LIPG: variants seen among roughly 807,000 people sequenced by gnomAD.
The protein encoded by LIPG is lipase G, endothelial type.
Under a neutral mutation model 51.8 loss-of-function variants are expected in LIPG, and 34 were observed. The ratio of observed to expected loss-of-function variants is 0.66; its 90% CI spans 0.50 to 0.87. LIPG has a LOEUF of 0.87. Among genes scored for constraint, LIPG ranks in the 40% least tolerant of loss-of-function variants. The pLI is 0.00. For missense variants in LIPG, 580 were observed against 652.7 expected, an observed-to-expected ratio of 0.89 and a Z score of 1.21; for synonymous variants, 246 against 246.1, an observed-to-expected ratio of 1.00 and a Z score of 0.00.
chr18:49,573,990 A>G (rs978129607), intron 4 of LIPG, among the ~76,000 whole-genome samples: 1 of 152,194 alleles, frequency 6.6e-6, no homozygotes, highest in Admixed American at 6.5e-5. Context: ...GCTAGATGCT[A>G]GCAACTCTCT....
intron 4 of LIPG, among the ~76,000 whole-genome samples, chr18:49,569,829 G>T (rs36039774): frequency 1.3e-5 from 2 of 152,104 alleles, no homozygotes; most frequent in East Asian, 3.9e-4. Context: ...CAGTGTGGGC[G>T]TTCCCCTTCC....
At chr18:49,568,984 G>A (rs189721345) in intron 3 of LIPG, among the ~76,000 whole-genome samples, 2 of 152,306 alleles carry the variant, frequency 1.3e-5, no homozygotes, top group East Asian at 3.9e-4. Context: ...ACATGGGCTT[G>A]TGAGGAGGAG....
intron 5 of LIPG, among the ~76,000 whole-genome samples, chr18:49,578,924 A>G (rs1459924932): frequency 1.4e-5 from 2 of 145,094 alleles, no homozygotes; most frequent in Non-Finnish European, 3.0e-5. Context: ...AGGCAGGAGA[A>G]TCAGGCAGGG....
chr18:49,569,629 C>G, intron 4 of LIPG, 81 bp downstream of exon 4: 1 of 1,129,904 alleles, frequency 8.9e-7, no homozygotes, highest in Non-Finnish European at 1.3e-6. Context: ...CAGAGTGAGT[C>G]ATAGAAAGTT....
At chr18:49,588,635 A>T (rs79135078) in intron 9 of LIPG, among the ~76,000 whole-genome samples, 5,963 of 152,170 alleles carry the variant, frequency 0.039, 344 homozygotes, top group African/African-American at 0.13. Context: ...AGAAATGCCC[A>T]TGTATGTGGA....
At chr18:49,565,990 G>A (rs1359790274) in intron 2 of LIPG, among the ~76,000 whole-genome samples, 2 of 152,182 alleles carry the variant, frequency 1.3e-5, no homozygotes, top group Non-Finnish European at 2.9e-5. Context: ...CCCTAGCTGA[G>A]CAATTCACAT....
At chr18:49,574,081 C>A (rs936416689) in intron 4 of LIPG, among the ~76,000 whole-genome samples, 2 of 152,206 alleles carry the variant, frequency 1.3e-5, no homozygotes, top group East Asian at 3.8e-4. Context: ...TAGTGGTGAA[C>A]CACTGTTCCA....
chr18:49,582,298 G>T, intron 6 of LIPG, 64 bp from the exon 7 acceptor site: 1 of 1,606,618 alleles, frequency 6.2e-7, no homozygotes, highest in Non-Finnish European at 8.5e-7. Flanking sequence ...ACTCAGTTTG[G>T]GTCAGGGGTC....
intron 4 of LIPG, among the ~76,000 whole-genome samples, chr18:49,574,641 T>C (rs1381604825): frequency 6.6e-6 from 1 of 152,180 alleles, no homozygotes; most frequent in African/African-American, 2.4e-5. Flanking sequence ...ATGGTGGAAT[T>C]TAAATTTAAC....
At chr18:49,578,949 C>T (rs1240526183) in intron 5 of LIPG, among the ~76,000 whole-genome samples, 2 of 136,074 alleles carry the variant, frequency 1.5e-5, no homozygotes, top group East Asian at 2.2e-4. Flanking sequence ...TGCAGTGAGC[C>T]GAGATGGCAG....
chr18:49,578,031 C>A (rs2084746412), intron 5 of LIPG, among the ~76,000 whole-genome samples: 3 of 143,048 alleles, frequency 2.1e-5, no homozygotes, highest in South Asian at 2.2e-4. Context: ...CTGACCCCCC[C>A]ACCTCCCTCC....
intron 1 of LIPG, among the ~76,000 whole-genome samples, chr18:49,563,086 CCAGAGTCAGTCAGCTCTGGGGGAGT>C (rs1157343805): frequency 2.6e-5 from 4 of 152,166 alleles, no homozygotes. Context: ...CCTGGGGGAG[CCAGAGTCAGTCAGCTCTGGGGGAGT>C]CAGAATCAGA....
rs1452124447 is a variant in LIPG, at chr18:49,593,842, C to A, written c.*3320C>A. On this transcript the variant is annotated 3_prime_UTR_variant, in exon 10 of 10. Coordinates refer to ENST00000261292, the MANE Select transcript of LIPG (RefSeq NM_006033.4). ...TTATTTAGGGTGCCCATGGGCCCTG[C>A]TGAAGATCCAATTACTATTTATTTA... The A allele has an allele frequency of 3.9e-5, 6 of 152,186 alleles. No individual in the cohort carries two copies. The highest frequency in any genetic ancestry group is 1.4e-4 in the African/African-American group (6 of 41,450). The allele number at this position is 152,186 out of a possible 1,614,324, so 9.4% of individuals were successfully genotyped here.
In LIPG at chr18:49,581,664, T is replaced by C. The variant is rs2084822299; in HGVS notation, c.1036+7T>C. On this transcript the variant is annotated splice_region_variant and intron_variant, in intron 6 of 9. Coordinates refer to ENST00000261292, the MANE Select transcript of LIPG (RefSeq NM_006033.4). ...GCAGGCATGCCTTTCAGAGGTAACC[T>C]TCAGTCCCTGGAGTGTCCCTGAGGA... The C allele has an allele frequency of 6.2e-6, 10 of 1,612,474 alleles. No individual in the cohort carries two copies. In the East Asian group the frequency reaches 2.2e-4, roughly 36 times the overall value.
At chr18:49,574,879 C>A (rs564632413) in intron 4 of LIPG, among the ~76,000 whole-genome samples, 2 of 152,148 alleles carry the variant, frequency 1.3e-5, no homozygotes, top group East Asian at 3.9e-4. Flanking sequence ...CAAATAGCTC[C>A]GTTTGGGGAG....
chr18:49,567,610 G>A lies in LIPG; in HGVS notation c.448G>A (p.Asp150Asn), dbSNP rs553622811. The change falls in exon 3 of 10, where the codon GAC becomes AAC. Residue 150 changes from aspartate (D) to asparagine (N), a missense_variant. Asp to Asn is a conservative substitution (Grantham distance 23). Coordinates refer to ENST00000261292, the MANE Select transcript of LIPG (RefSeq NM_006033.4). ...VVGHSIARML[D>N]WLQEKDDFSL... The stretch of plus-strand genomic sequence containing the variant: ...GGGACACAGCATTGCCAGGATGCTC[G>A]ACTGGCTGCAGGTACTGGGGGATGA... 3.7e-6 allele frequency: 6 copies of A among 1,613,902 alleles called. No individual in the cohort carries two copies. Among genetic ancestry groups the A allele is most frequent in the South Asian group, 2.2e-5 (2 of 91,054 alleles).
In LIPG at chr18:49,591,036, A is replaced by ATTTTT; in HGVS notation, c.*515_*516insTTTTT. 3.6e-5 allele frequency: 8 copies of ATTTTT among 219,916 alleles called. No homozygotes were observed. Among genetic ancestry groups the ATTTTT allele is most frequent in the East Asian group, 2.1e-4 (2 of 9,562 alleles). The allele number at this position is 219,916 out of a possible 1,614,324, so 13.6% of individuals were successfully genotyped here. ...GGGGTTCTCATGGGTTGCACTGACC[A>ATTTTT]TACTGCTTACGTCTTAGCCATTCCG... On this transcript the variant is annotated 3_prime_UTR_variant, in exon 10 of 10. Transcript: ENST00000261292.
chr18:49,572,425 C>T (rs988057441), intron 4 of LIPG, among the ~76,000 whole-genome samples: 1 of 152,104 alleles, frequency 6.6e-6, no homozygotes, highest in Non-Finnish European at 1.5e-5. Flanking sequence ...GAACATTCTA[C>T]GGAGGGGGAA....
At position 49,598,920 on chromosome 18, in the gene LIPG, G is replaced by A. The variant is rs1199169181; in HGVS notation, c.*8398G>A. 2.0e-5 allele frequency: 3 copies of A among 152,146 alleles called. No homozygotes were observed. Among genetic ancestry groups the A allele is most frequent in the South Asian group, 2.1e-4 (1 of 4,832 alleles). The allele number at this position is 152,146 out of a possible 1,614,324, so 9.4% of individuals were successfully genotyped here. ...CATAATTATTTTGAGATTCATCCAC[G>A]TCTTTGCATGGATCAGTCATCTGTT... On this transcript the variant is annotated 3_prime_UTR_variant, in exon 10 of 10. Coordinates refer to ENST00000261292, the MANE Select transcript of LIPG (RefSeq NM_006033.4).
Sources: gnomAD v4.1 joint callset for allele counts (sites outside exome capture counted in the v4.1 genomes callset) on GRCh38, gnomAD v4.1.1 for gene constraint, MANE v1.5 for transcripts, NCBI Gene and HGNC (gene_info 2026-07-23, HGNC 2026-07-21) for gene names.